The following AGBL4 variants were observed in gnomAD, a reference collection of about 807,000 sequenced individuals.
AGBL4 encodes AGBL carboxypeptidase 4.
AGBL4 carries 58 observed loss-of-function variants against 66.4 expected under a neutral mutation model. That is an observed-to-expected ratio of 0.87 (90% CI 0.71 to 1.09). The LOEUF (loss-of-function observed/expected upper bound fraction) is 1.09, where lower values mean the gene tolerates loss of function less well. AGBL4 is among the 50% of genes least tolerant of loss of function. AGBL4 has a pLI of 0.00. For missense variants in AGBL4, 579 were observed against 631.0 expected, an observed-to-expected ratio of 0.92 and a Z score of 0.88; for synonymous variants, 234 against 222.9, an observed-to-expected ratio of 1.05 and a Z score of -0.44.
At chr1:49,590,276 A>G (rs973369806) in intron 3 of AGBL4, among the ~76,000 whole-genome samples, 8 of 152,038 alleles carry the variant, frequency 5.3e-5, no homozygotes, top group Non-Finnish European at 1.0e-4. Flanking sequence ...TATTTAAAAT[A>G]ATGTTCACAA....
chr1:49,687,608 C>G (rs895629427), intron 3 of AGBL4, among the ~76,000 whole-genome samples: 1 of 151,602 alleles, frequency 6.6e-6, no homozygotes, highest in Non-Finnish European at 1.5e-5. Context: ...CTCATCTCTA[C>G]AAAAATACAA....
intron 3 of AGBL4, among the ~76,000 whole-genome samples, chr1:49,559,142 G>A (rs1643973173): frequency 6.6e-6 from 1 of 152,132 alleles, no homozygotes; most frequent in Non-Finnish European, 1.5e-5. Flanking sequence ...ATGGCTTCAG[G>A]TCTAACACAG....
chr1:49,649,997 G>T (rs1184002750), intron 3 of AGBL4, among the ~76,000 whole-genome samples: 3 of 152,118 alleles, frequency 2.0e-5, no homozygotes, highest in Admixed American at 6.6e-5. Context: ...GCAGGAGTTG[G>T]AAGGAAAATT....
intron 1 of AGBL4, among the ~76,000 whole-genome samples, chr1:49,936,268 A>G (rs371724629): frequency 1.8e-4 from 27 of 152,294 alleles, no homozygotes; most frequent in Middle Eastern, 6.8e-3. Context: ...GAAATGAAGC[A>G]AGAAGGGAAG....
intron 3 of AGBL4, among the ~76,000 whole-genome samples, chr1:49,331,675 C>T (rs1275077158): frequency 6.6e-6 from 1 of 150,452 alleles, no homozygotes. Context: ...GAGAGCCCGG[C>T]GGGAGAGGCA....
chr1:48,867,318 T>G, intron 5 of AGBL4, 88 bp from the exon 6 acceptor site: 8 of 1,301,890 alleles, frequency 6.1e-6, no homozygotes, highest in Non-Finnish European at 8.8e-6. Flanking sequence ...GCAAAGAGGA[T>G]GTTGGGACAT....
intron 3 of AGBL4, among the ~76,000 whole-genome samples, chr1:49,393,950 G>A (rs1161472659): frequency 6.6e-6 from 1 of 152,112 alleles, no homozygotes; most frequent in Non-Finnish European, 1.5e-5. Context: ...GAAAGGCTCT[G>A]AATATCAAGC....
chr1:50,016,006 A>C (rs1261503430), intron 1 of AGBL4, among the ~76,000 whole-genome samples: 1 of 152,218 alleles, frequency 6.6e-6, no homozygotes, highest in Non-Finnish European at 1.5e-5. Context: ...TAAATGTAAA[A>C]ACTAAAACTG....
At chr1:48,904,052 G>A (rs1430129879) in intron 5 of AGBL4, among the ~76,000 whole-genome samples, 1 of 152,168 alleles carries the variant, frequency 6.6e-6, no homozygotes, top group Non-Finnish European at 1.5e-5. Context: ...GCTAACGTGG[G>A]TGGATCACCT....
intron 4 of AGBL4, among the ~76,000 whole-genome samples, chr1:49,098,427 G>C (rs937482879): frequency 8.5e-5 from 13 of 152,226 alleles, no homozygotes; most frequent in Non-Finnish European, 5.9e-5. Flanking sequence ...GTTTAGGACA[G>C]GGCTGGAACA....
At chr1:48,830,820 C>T (rs1277513715) in intron 6 of AGBL4, among the ~76,000 whole-genome samples, 1 of 152,144 alleles carries the variant, frequency 6.6e-6, no homozygotes, top group Non-Finnish European at 1.5e-5. Flanking sequence ...AGCTGTTCAT[C>T]ACAACATTAT....
At chr1:49,893,835 A>G (rs888517050) in intron 1 of AGBL4, among the ~76,000 whole-genome samples, 2 of 152,200 alleles carry the variant, frequency 1.3e-5, no homozygotes, top group Non-Finnish European at 2.9e-5. Context: ...GGCTGGTTTC[A>G]CAAACTGCTG....
At chr1:49,781,377 C>G (rs929311750) in intron 2 of AGBL4, among the ~76,000 whole-genome samples, 3 of 152,012 alleles carry the variant, frequency 2.0e-5, no homozygotes, top group Admixed American at 1.3e-4. Context: ...GCCTGAGCAA[C>G]AGAGCAAGAC....
chr1:48,684,884 C>T (rs1367224034), intron 6 of AGBL4, among the ~76,000 whole-genome samples: 1 of 152,188 alleles, frequency 6.6e-6, no homozygotes, highest in Non-Finnish European at 1.5e-5. Flanking sequence ...CTGTATAAAG[C>T]ACCTTGCTGT....
intron 9 of AGBL4, among the ~76,000 whole-genome samples, chr1:48,599,403 C>T (rs1457751626): frequency 1.3e-5 from 2 of 152,198 alleles, no homozygotes; most frequent in Non-Finnish European, 1.5e-5. Flanking sequence ...ACTACAAACA[C>T]GTGAATGAGT....
At chr1:49,175,959 G>C (rs1646823014) in intron 4 of AGBL4, among the ~76,000 whole-genome samples, 1 of 152,122 alleles carries the variant, frequency 6.6e-6, no homozygotes, top group South Asian at 2.1e-4. Flanking sequence ...ACTTAGACAA[G>C]AATCATTAAC....
chr1:48,587,244 C>T, intron 10 of AGBL4, 78 bp from the exon 11 acceptor site: 1 of 1,422,058 alleles, frequency 7.0e-7, no homozygotes, highest in Non-Finnish European at 9.5e-7. Flanking sequence ...TACAACACCT[C>T]TGGGTCTCAG....
intron 3 of AGBL4, among the ~76,000 whole-genome samples, chr1:49,249,961 A>C (rs976708718): frequency 6.6e-6 from 1 of 152,246 alleles, no homozygotes; most frequent in Admixed American, 6.5e-5. Context: ...ATTAAGTGAA[A>C]CAATCCAGGC....
intron 4 of AGBL4, among the ~76,000 whole-genome samples, chr1:49,146,669 C>T (rs1194429958): frequency 6.6e-6 from 1 of 152,206 alleles, no homozygotes; most frequent in East Asian, 1.9e-4. Context: ...ATATACTTGT[C>T]ATACATGCAC....
Sources: gnomAD v4.1 joint callset for allele counts (sites outside exome capture counted in the v4.1 genomes callset) on GRCh38, gnomAD v4.1.1 for gene constraint, MANE v1.5 for transcripts, NCBI Gene and HGNC (gene_info 2026-07-23, HGNC 2026-07-21) for gene names.